The following ROBO1 variants were observed in gnomAD, a reference collection of about 807,000 sequenced individuals.
ROBO1 encodes roundabout homolog 1.
In ROBO1, 149 loss-of-function variants were observed where a neutral mutation model predicts 195.9. That is an observed-to-expected ratio of 0.76 (90% CI 0.67 to 0.87). The LOEUF is 0.87. ROBO1 is among the 40% of genes least tolerant of loss of function. The probability of loss-of-function intolerance (pLI) is 0.00; values close to 1 mark genes in which losing one functional copy is unlikely to be tolerated. For missense variants in ROBO1, 1,933 were observed against 2,068.3 expected (o/e 0.93, Z 1.27); for synonymous variants, 816 against 733.2 (o/e 1.11, Z -1.82).
chr3:78,875,604 C>T (rs1203308795), intron 4 of ROBO1, among the ~76,000 whole-genome samples: 1 of 151,910 alleles, frequency 6.6e-6, no homozygotes, highest in African/African-American at 2.4e-5. Flanking sequence ...ACAAAACGTC[C>T]ACCAGTCCAA....
intron 4 of ROBO1, among the ~76,000 whole-genome samples, chr3:78,760,624 T>A (rs1380122166): frequency 6.6e-6 from 1 of 152,124 alleles, no homozygotes; most frequent in Non-Finnish European, 1.5e-5. Flanking sequence ...TGAGGTGACA[T>A]GTTTATGTGT....
intron 2 of ROBO1, among the ~76,000 whole-genome samples, chr3:79,403,527 T>A (rs2037440078): frequency 6.6e-6 from 1 of 151,966 alleles, no homozygotes; most frequent in Admixed American, 6.6e-5. Flanking sequence ...TGGCAAATAA[T>A]AGGTAGTTTC....
chr3:78,613,917 C>T (rs1703957855), intron 28 of ROBO1, among the ~76,000 whole-genome samples: 1 of 152,120 alleles, frequency 6.6e-6, no homozygotes, highest in South Asian at 2.1e-4. Context: ...ACCCCTTTAG[C>T]AAATGTAGCA....
chr3:79,662,251 G>A (rs963894001), intron 1 of ROBO1, among the ~76,000 whole-genome samples: 4 of 152,006 alleles, frequency 2.6e-5, no homozygotes, highest in Admixed American at 6.6e-5. Flanking sequence ...ATGAACTGGC[G>A]ATCTTTCTTC....
chr3:78,856,292 A>G (rs1576297575), intron 4 of ROBO1, among the ~76,000 whole-genome samples: 1 of 146,128 alleles, frequency 6.8e-6, no homozygotes, highest in South Asian at 2.1e-4. Flanking sequence ...AGCAAAAAAA[A>G]GAAAAAAAAA....
chr3:78,779,980 T>C (rs2083624451), intron 4 of ROBO1, among the ~76,000 whole-genome samples: 1 of 152,040 alleles, frequency 6.6e-6, no homozygotes, highest in South Asian at 2.1e-4. Context: ...CTGGAAACCA[T>C]CATTCTCAGC....
Position 78,685,927 on chromosome 3 carries a change from A to G in ROBO1, c.1171-10T>C. On this transcript the variant is annotated splice_polypyrimidine_tract_variant and intron_variant, in intron 9 of 30. Transcript: ENST00000464233. ...ATGAGAAAAGTAGATTCTAGAACCC[A>G]GAAATTGGGATGGAGGAAAATAAAA... 3 of 1,550,226 alleles carry G rather than the reference A, an allele frequency of 1.9e-6. No individual in the cohort carries two copies. Among genetic ancestry groups the G allele is most frequent in the Non-Finnish European group, 2.6e-6 (3 of 1,142,222 alleles).
At chr3:79,539,177 T>C (rs1309417568) in intron 2 of ROBO1, among the ~76,000 whole-genome samples, 1 of 152,160 alleles carries the variant, frequency 6.6e-6, no homozygotes, top group Non-Finnish European at 1.5e-5. Context: ...ACTTTAAGCC[T>C]GTCAATATAT....
chr3:79,154,199 A>T (rs529341205), intron 2 of ROBO1, among the ~76,000 whole-genome samples: 1 of 151,890 alleles, frequency 6.6e-6, no homozygotes, highest in African/African-American at 2.4e-5. Context: ...CTGCTTTAAA[A>T]CATGTAATAT....
chr3:78,730,943 G>C (rs998576763), intron 5 of ROBO1, among the ~76,000 whole-genome samples: 2 of 152,100 alleles, frequency 1.3e-5, no homozygotes, highest in African/African-American at 4.8e-5. Context: ...GAGCTTTCTG[G>C]TGGGCTACAT....
chr3:79,044,508 T>C (rs1036611200), intron 3 of ROBO1, among the ~76,000 whole-genome samples: 1 of 152,140 alleles, frequency 6.6e-6, no homozygotes, highest in African/African-American at 2.4e-5. Context: ...TCCACAAAAA[T>C]ACTTATAATT....
intron 2 of ROBO1, among the ~76,000 whole-genome samples, chr3:79,547,304 A>C (rs1942307895): frequency 1.3e-5 from 2 of 150,722 alleles, no homozygotes; most frequent in Non-Finnish European, 3.0e-5. Context: ...ATGTGGATTT[A>C]GAAATAAATG....
intron 4 of ROBO1, among the ~76,000 whole-genome samples, chr3:78,872,788 T>A (rs1211445378): frequency 6.6e-6 from 1 of 152,144 alleles, no homozygotes; most frequent in East Asian, 1.9e-4. Flanking sequence ...TTTATTTAAT[T>A]CAATAGCTTG....
chr3:79,000,696 T>G (rs970022583), intron 3 of ROBO1, among the ~76,000 whole-genome samples: 3 of 152,158 alleles, frequency 2.0e-5, no homozygotes, highest in African/African-American at 2.4e-5. Context: ...CTTCAACGAT[T>G]GTGGAAGACA....
intron 2 of ROBO1, among the ~76,000 whole-genome samples, chr3:79,515,948 T>C (rs140546424): frequency 2.8e-4 from 42 of 152,272 alleles, no homozygotes; most frequent in Non-Finnish European, 5.4e-4. Flanking sequence ...ATATACTGGG[T>C]CATATATACT....
intron 1 of ROBO1, among the ~76,000 whole-genome samples, chr3:79,719,077 T>C (rs1396722914): frequency 6.6e-6 from 1 of 152,014 alleles, no homozygotes; most frequent in Non-Finnish European, 1.5e-5. Flanking sequence ...AGATCCAGAA[T>C]GGTTTTTGGC....
intron 2 of ROBO1, among the ~76,000 whole-genome samples, chr3:79,454,063 T>C (rs1312989719): frequency 5.3e-5 from 8 of 151,996 alleles, no homozygotes; most frequent in African/African-American, 1.9e-4. Flanking sequence ...CTCTTATCTA[T>C]AGTCTAATTG....
chr3:79,178,361 G>A (rs192321367), intron 2 of ROBO1, among the ~76,000 whole-genome samples: 2 of 152,220 alleles, frequency 1.3e-5, no homozygotes, highest in Admixed American at 1.3e-4. Flanking sequence ...AATTGTATAC[G>A]TTTCTACAAA....
chr3:78,970,795 A>G (rs912380732), intron 3 of ROBO1, among the ~76,000 whole-genome samples: 1 of 152,154 alleles, frequency 6.6e-6, no homozygotes, highest in Non-Finnish European at 1.5e-5. Flanking sequence ...ATGGGTAATA[A>G]TACAGTCAAG....
Sources: gnomAD v4.1 joint callset for allele counts (sites outside exome capture counted in the v4.1 genomes callset) on GRCh38, gnomAD v4.1.1 for gene constraint, MANE v1.5 for transcripts, NCBI Gene and HGNC (gene_info 2026-07-23, HGNC 2026-07-21) for gene names.